Variants in RTL8C observed in about 807,000 individuals in gnomAD.
RTL8C encodes the protein retrotransposon Gag-like protein 8C.
A neutral mutation model predicts 5.0 loss-of-function variants in RTL8C; 1 was observed. The observed-to-expected ratio is 0.20, with a 90% CI of 0.07 to 0.95. The LOEUF (loss-of-function observed/expected upper bound fraction) is 0.95, where lower values mean the gene tolerates loss of function less well. Among genes scored for constraint, RTL8C ranks in the 40% least tolerant of loss-of-function variants. The pLI is 0.63. For synonymous variants in RTL8C, 37 were observed against 44.5 expected (o/e 0.83, Z 0.67); for missense variants, 39 against 99.3 (o/e 0.39, Z 2.58).
Position 135,033,127 on chromosome X carries a change from C to A in RTL8C, c.*402C>A. On this transcript the variant is annotated 3_prime_UTR_variant, in exon 1 of 1. Transcript: ENST00000257013. ...CGACTACATCATTCTGCCCACAGAC[C>A]TGCGCTGCCACAGCCATCGCCATCC... 1.0e-6 allele frequency: 1 copy of A among 963,989 alleles called. No individual in the cohort carries two copies. The highest frequency in any genetic ancestry group is 1.4e-6 in the Non-Finnish European group (1 of 733,370). The allele number at this position is 963,989 out of a possible 1,213,427, so 79.4% of individuals were successfully genotyped here.
rs754729222 is a variant in RTL8C, at chrX:135,032,373, G to C, written c.-11G>C. On this transcript the variant is annotated 5_prime_UTR_variant, in exon 1 of 1. Coordinates refer to ENST00000257013, the MANE Select transcript of RTL8C (RefSeq NM_001078171.2). ...GGAGCCCATTGACGTCCAGCGAAGCGAGGAGCAGCGATGGACGGTCGGGTG... is the reference window on the plus strand; with the variant it reads ...GGAGCCCATTGACGTCCAGCGAAGCCAGGAGCAGCGATGGACGGTCGGGTG... 1 of 1,197,041 alleles carries C rather than the reference G, an allele frequency of 8.4e-7. No homozygotes were observed. Among genetic ancestry groups the C allele is most frequent in the Non-Finnish European group, 1.1e-6 (1 of 887,537 alleles).
chrX:135,033,136 C>T lies in RTL8C; in HGVS notation c.*411C>T. On this transcript the variant is annotated 3_prime_UTR_variant, in exon 1 of 1. Transcript: ENST00000257013. ...CATTCTGCCCACAGACCTGCGCTGC[C>T]ACAGCCATCGCCATCCATCGCATCC... 1 of 956,709 alleles carries T rather than the reference C, an allele frequency of 1.0e-6. No homozygotes were observed. The highest frequency in any genetic ancestry group is 1.4e-6 in the Non-Finnish European group (1 of 727,616). 78.8% of individuals were successfully genotyped at this position (956,709 alleles called of 1,213,427 possible).
rs1569477093 is a variant in RTL8C, at chrX:135,033,374, T to C, written c.*649T>C. The C allele has an allele frequency of 7.7e-6, 2 of 260,155 alleles. No individual in the cohort carries two copies. The highest frequency in any genetic ancestry group is 2.9e-5 in the African/African-American group (1 of 34,917). The allele number at this position is 260,155 out of a possible 1,213,427, so 21.4% of individuals were successfully genotyped here. ...GCCAAATCGAGTCTCTCATTTTCTC[T>C]TGTGGACCAGTTAGTTTTGCCCATA... is the stretch of plus-strand genomic sequence containing the variant. On this transcript the variant is annotated 3_prime_UTR_variant, in exon 1 of 1. Transcript: ENST00000257013.
In RTL8C at chrX:135,032,999, C is replaced by A. The variant is rs1295427919; in HGVS notation, c.*274C>A. 3.9e-6 allele frequency: 4 copies of A among 1,029,961 alleles called. No homozygotes were observed. Among genetic ancestry groups the A allele is most frequent in the Non-Finnish European group, 5.1e-6 (4 of 781,921 alleles). 84.9% of individuals were successfully genotyped at this position (1,029,961 alleles called of 1,213,427 possible). Reference sequence around the variant, plus strand: ...CCAGCCCCTCCCATGTACATTTGGACGCTGTCCTGCGCTCCAGCTGCAAGC... The same window carrying A: ...CCAGCCCCTCCCATGTACATTTGGAAGCTGTCCTGCGCTCCAGCTGCAAGC... On this transcript the variant is annotated 3_prime_UTR_variant, in exon 1 of 1. Coordinates refer to ENST00000257013, the MANE Select transcript of RTL8C (RefSeq NM_001078171.2).
Position 135,033,281 on chromosome X carries a change from C to G in RTL8C, c.*556C>G, listed in dbSNP as rs2083296366. The G allele has an allele frequency of 2.9e-6, 1 of 349,627 alleles. No individual in the cohort carries two copies. Among genetic ancestry groups the G allele is most frequent in the African/African-American group, 2.6e-5 (1 of 38,288 alleles). The allele number at this position is 349,627 out of a possible 1,213,427, so 28.8% of individuals were successfully genotyped here. A position where few individuals can be genotyped will look rare whatever the true frequency, so the allele number is the denominator to read the frequency against. On this transcript the variant is annotated 3_prime_UTR_variant, in exon 1 of 1. Coordinates refer to ENST00000257013, the MANE Select transcript of RTL8C (RefSeq NM_001078171.2). ...CCCCCAAGGGATCTGTCACCTTCAGCGAGACCTATTTCCTCCCCACCCCCA... is the reference window on the plus strand; with the variant it reads ...CCCCCAAGGGATCTGTCACCTTCAGGGAGACCTATTTCCTCCCCACCCCCA...
At position 135,032,983 on chromosome X, in the gene RTL8C, C is replaced by G. The variant is rs2083295288; in HGVS notation, c.*258C>G. 9.3e-7 allele frequency: 1 copy of G among 1,070,767 alleles called. No individual in the cohort carries two copies. Among genetic ancestry groups the G allele is most frequent in the African/African-American group, 1.9e-5 (1 of 53,235 alleles). The allele number at this position is 1,070,767 out of a possible 1,213,427, so 88.2% of individuals were successfully genotyped here. A position where few individuals can be genotyped will look rare whatever the true frequency, so the allele number is the denominator to read the frequency against. On this transcript the variant is annotated 3_prime_UTR_variant, in exon 1 of 1. Transcript: ENST00000257013. ...CTCTCCTTCCAGCCAGCCAGCCCCT[C>G]CCATGTACATTTGGACGCTGTCCTG...
Sources: gnomAD v4.1 joint callset for allele counts on GRCh38, gnomAD v4.1.1 for gene constraint, MANE v1.5 for transcripts, NCBI Gene and HGNC (gene_info 2026-07-23, HGNC 2026-07-21) for gene names.